CCDC81: variants seen among roughly 807,000 people sequenced by gnomAD.
CCDC81 encodes the protein coiled-coil domain containing 81.
Under a neutral mutation model 83.7 loss-of-function variants are expected in CCDC81, and 79 were observed. That is an observed-to-expected ratio of 0.94 (90% CI 0.79 to 1.14). The LOEUF (loss-of-function observed/expected upper bound fraction) is 1.14, where lower values mean the gene tolerates loss of function less well. Among genes scored for constraint, CCDC81 ranks in the 50% most tolerant of loss-of-function variants. The pLI is 0.00. For missense variants in CCDC81, 791 were observed against 778.1 expected (o/e 1.02, Z -0.20); for synonymous variants, 252 against 278.1 (o/e 0.91, Z 0.93).
chr11:86,401,223 A>T (rs528210684), intron 7 of CCDC81, among the ~76,000 whole-genome samples: 26 of 152,186 alleles, frequency 1.7e-4, no homozygotes, highest in Non-Finnish European at 3.4e-4. Flanking sequence ...CTCAATAAAC[A>T]TTACTTGAAT....
At chr11:86,383,391 C>T (rs538128223) in intron 1 of CCDC81, among the ~76,000 whole-genome samples, 1 of 152,200 alleles carries the variant, frequency 6.6e-6, no homozygotes, top group Non-Finnish European at 1.5e-5. Context: ...ATGACTTTTT[C>T]AAGCATATAG....
At chr11:86,395,706 G>A (rs927405575) in intron 5 of CCDC81, among the ~76,000 whole-genome samples, 2 of 152,064 alleles carry the variant, frequency 1.3e-5, no homozygotes, top group Non-Finnish European at 2.9e-5. Flanking sequence ...CTGCAACCTC[G>A]GTCTCCTGGG....
At position 86,388,733 on chromosome 11, in the gene CCDC81, C is replaced by T. The variant is rs183172794; in HGVS notation, c.298+1061C>T. On this transcript the variant is annotated intron_variant, in intron 3 of 14. Coordinates refer to ENST00000445632, the MANE Select transcript of CCDC81 (RefSeq NM_001156474.2). ...TTTTCTTTTCTTTGTTTCTCCCTTT[C>T]ATGGGAACAAAAAGAAATACCTAGA... 6.8e-4 allele frequency among the ~76,000 whole-genome samples: 104 copies of T among 151,858 alleles called. 1 individual carries two copies. The highest frequency in any genetic ancestry group is 6.8e-3 in the Admixed American group (103 of 15,248).
rs1948260765 is a variant in CCDC81, at chr11:86,387,565, T to C, written c.191T>C (p.Leu64Pro). 6.2e-7 allele frequency: 1 copy of C among 1,613,872 alleles called. No homozygotes were observed. The highest frequency in any genetic ancestry group is 2.2e-5 in the East Asian group (1 of 44,878). ...ACTTTCACTTTCATAAGACAAAAGC[T>C]TGAGGTGGGAAACAACAAATTTATC... ...FGTFTFIRQK[L>P]EVGNNKFILI... The change falls in exon 3 of 15, where the codon CTT (leucine) becomes CCT (proline). Residue 64 changes from leucine to proline, a missense_variant. Leu to Pro is a moderately conservative substitution (Grantham distance 98). Transcript: ENST00000445632.
In CCDC81 at chr11:86,409,315, G is replaced by A. The variant is rs781189958; in HGVS notation, c.1168G>A (p.Gly390Arg). 1 of 1,543,064 alleles carries A rather than the reference G, an allele frequency of 6.5e-7. No individual in the cohort carries two copies. Among genetic ancestry groups the A allele is most frequent in the Non-Finnish European group, 8.7e-7 (1 of 1,148,248 alleles). ...QNQKNAAYNLGVAEAIRNHKN... is the reference protein window; with the variant it reads ...QNQKNAAYNLRVAEAIRNHKN... ...TCAGAAAAATGCTGCCTATAATCTT[G>A]GAGTTGCTGAAGCTATAAGAAACCA... Residue 390 changes from glycine (G) to arginine (R), a missense_variant, in exon 10 of 15, where the codon GGA becomes AGA. Gly to Arg is a moderately radical substitution (Grantham distance 125). Coordinates refer to ENST00000445632, the MANE Select transcript of CCDC81 (RefSeq NM_001156474.2).
chr11:86,387,587 T>G lies in CCDC81; in HGVS notation c.213T>G (p.Phe71Leu), dbSNP rs1344671850. 8 of 1,613,476 alleles carry G rather than the reference T, an allele frequency of 5.0e-6. No individual in the cohort carries two copies. Among genetic ancestry groups the G allele is most frequent in the Non-Finnish European group, 6.8e-6 (8 of 1,179,516 alleles). The change falls in exon 3 of 15, where the codon TTT (phenylalanine) becomes TTG (leucine). Residue 71 changes from phenylalanine to leucine, a missense_variant. Coordinates refer to ENST00000445632, the MANE Select transcript of CCDC81 (RefSeq NM_001156474.2). ...RQKLEVGNNK[F>L]ILIQRPVFIM... ...AGCTTGAGGTGGGAAACAACAAATT[T>G]ATCTTAATCCAGAGGCCTGTGTTTA...
chr11:86,404,336 G>GT lies in CCDC81; in HGVS notation c.882-3275dup, dbSNP rs1331009744. Among the ~76,000 whole-genome samples the GT allele has an allele frequency of 2.0e-5, 3 of 152,288 alleles. No individual in the cohort carries two copies. The East Asian group carries it at 5.8e-4, about 29-fold the overall frequency. On this transcript the variant is annotated intron_variant, in intron 7 of 14. Coordinates refer to ENST00000445632, the MANE Select transcript of CCDC81 (RefSeq NM_001156474.2). ...AGTCCACCATATATTTTTATAAACA[G>GT]TTTCACCGAAACACTGCTATGCCCA...
Position 86,382,042 on chromosome 11 carries a change from A to G in CCDC81, c.80-4009A>G, listed in dbSNP as rs1371470856. 2.0e-5 allele frequency among the ~76,000 whole-genome samples: 3 copies of G among 152,150 alleles called. No individual in the cohort carries two copies. In the East Asian group the frequency reaches 5.8e-4, roughly 29 times the overall value. On this transcript the variant is annotated intron_variant, in intron 1 of 14. Transcript: ENST00000445632. Reference sequence around the variant, plus strand: ...GGCTGCTCTGTAGATGTGGGGAGGCAGTGTATTCTAAAGTAGGCTAGAGAG... The same window carrying G: ...GGCTGCTCTGTAGATGTGGGGAGGCGGTGTATTCTAAAGTAGGCTAGAGAG...
chr11:86,387,410 A>C, intron 2 of CCDC81, 106 bp from the exon 3 acceptor site: 1 of 1,007,772 alleles, frequency 9.9e-7, no homozygotes, highest in Non-Finnish European at 1.5e-6. Context: ...CTGAATTTTT[A>C]AGGCCTAAGC....
intron 13 of CCDC81, among the ~76,000 whole-genome samples, chr11:86,416,273 T>C (rs945084981): frequency 3.3e-5 from 5 of 152,254 alleles, no homozygotes; most frequent in Admixed American, 1.3e-4. Context: ...CCACTGATTT[T>C]TTAAAAAAAT....
intron 10 of CCDC81, among the ~76,000 whole-genome samples, chr11:86,411,957 A>C (rs551417999): frequency 3.3e-5 from 5 of 152,306 alleles, no homozygotes; most frequent in African/African-American, 1.2e-4. Context: ...TCCATTGACC[A>C]TGATTGCTTC....
rs776996533 is a variant in CCDC81, at chr11:86,400,698, C to T, written c.778C>T (p.Leu260Phe). Residue 260 changes from leucine to phenylalanine, a missense_variant, in exon 7 of 15, where the codon CTT becomes TTT. Leu to Phe is a conservative substitution (Grantham distance 22, BLOSUM62 0). Transcript: ENST00000445632. ...GTRDISSPKR[L>F]RDRQALFPAK... ...TACAGATATCTCATCACCCAAAAGA[C>T]TTCGAGATAGACAAGCTTTGTTCCC... 2.5e-6 allele frequency: 4 copies of T among 1,611,494 alleles called. No homozygotes were observed. The highest frequency in any genetic ancestry group is 1.7e-6 in the Non-Finnish European group (2 of 1,177,938).
At chr11:86,376,996 C>T (rs185668418) in intron 1 of CCDC81, among the ~76,000 whole-genome samples, 117 of 152,302 alleles carry the variant, frequency 7.7e-4, no homozygotes, top group Middle Eastern at 6.8e-3. Context: ...CCACGGTCTT[C>T]ATAGTTTTGC....
chr11:86,390,987 C>G (rs1255334829), intron 3 of CCDC81, among the ~76,000 whole-genome samples: 1 of 151,968 alleles, frequency 6.6e-6, no homozygotes, highest in Non-Finnish European at 1.5e-5. Flanking sequence ...AGGACAAAAT[C>G]CTATAAAACA....
chr11:86,406,453 A>C (rs758185643), intron 7 of CCDC81, among the ~76,000 whole-genome samples: 3 of 152,074 alleles, frequency 2.0e-5, no homozygotes, highest in Non-Finnish European at 4.4e-5. Flanking sequence ...AAAATTCAGC[A>C]CTTCTATTAA....
intron 1 of CCDC81, among the ~76,000 whole-genome samples, chr11:86,382,964 A>G (rs773352481): frequency 6.6e-6 from 1 of 152,256 alleles, no homozygotes; most frequent in Non-Finnish European, 1.5e-5. Context: ...AGCTGAAGTG[A>G]AAGTCAAACT....
At chr11:86,396,569 T>C (rs1289585693) in intron 5 of CCDC81, among the ~76,000 whole-genome samples, 1 of 152,204 alleles carries the variant, frequency 6.6e-6, no homozygotes, top group Non-Finnish European at 1.5e-5. Context: ...TTCTCTTGTT[T>C]GTTGCTTTGG....
At chr11:86,417,356 C>A (rs544475624) in intron 13 of CCDC81, among the ~76,000 whole-genome samples, 48 of 151,480 alleles carry the variant, frequency 3.2e-4, no homozygotes, top group African/African-American at 1.1e-3. Context: ...AAGTAGGTTA[C>A]ATATTAACCT....
intron 7 of CCDC81, among the ~76,000 whole-genome samples, chr11:86,405,148 T>A (rs1948547691): frequency 6.6e-6 from 1 of 152,194 alleles, no homozygotes. Flanking sequence ...CATGATGGTA[T>A]ATTTTTCAGT....
Sources: gnomAD v4.1 joint callset for allele counts (sites outside exome capture counted in the v4.1 genomes callset) on GRCh38, gnomAD v4.1.1 for gene constraint, MANE v1.5 for transcripts, NCBI Gene and HGNC (gene_info 2026-07-23, HGNC 2026-07-21) for gene names.